Variants in ZNF280D observed in about 807,000 individuals in gnomAD.
ZNF280D encodes the protein suppressor of hairy wing homolog 4.
ZNF280D carries 39 observed loss-of-function variants against 94.7 expected under a neutral mutation model. The observed-to-expected ratio is 0.41, with a 90% CI of 0.32 to 0.54. ZNF280D has a LOEUF of 0.54. Ranked by LOEUF, ZNF280D falls within the 20% of genes least tolerant of loss-of-function variation. The pLI, the probability that ZNF280D is intolerant of heterozygous loss-of-function variation, is 0.22. For synonymous variants in ZNF280D, 398 were observed against 377.6 expected, an observed-to-expected ratio of 1.05 and a Z score of -0.63; for missense variants, 1,090 against 1,149.3, an observed-to-expected ratio of 0.95 and a Z score of 0.75.
rs752976383 is a variant in ZNF280D, at chr15:56,731,506, C to CAAAAA, written c.-86+1947_-86+1951dup. Among the ~76,000 whole-genome samples, 119 of 80,802 alleles carry CAAAAA rather than the reference C, an allele frequency of 1.5e-3. 3 individuals carry two copies. In the Admixed American group the frequency reaches 0.015, roughly 10 times the overall value. The allele number at this position is 80,802 out of a possible 152,430, so 53.0% of individuals were successfully genotyped here. ...TGGGACACAGAGCAAGTACCTATCT[C>CAAAAA]AAAAAAAAAAAAAAAAAAAAAAGAC... On this transcript the variant is annotated intron_variant, in intron 1 of 21. Transcript: ENST00000267807.
chr15:56,653,642 G>A, intron 19 of ZNF280D: 1 of 1,414,138 alleles, frequency 7.1e-7, no homozygotes, highest in African/African-American at 1.5e-5. Context: ...CAACGAATGA[G>A]AAAAAGACAA....
chr15:56,649,348 C>G (rs867058090), intron 19 of ZNF280D, among the ~76,000 whole-genome samples: 2 of 152,136 alleles, frequency 1.3e-5, no homozygotes, highest in Non-Finnish European at 2.9e-5. Flanking sequence ...ATTTTTCCAT[C>G]TCACTGGGTC....
chr15:56,639,683 G>C (rs977062803), intron 20 of ZNF280D, among the ~76,000 whole-genome samples: 45 of 152,264 alleles, frequency 3.0e-4, no homozygotes, highest in African/African-American at 1.0e-3. Context: ...ATGTACTTCA[G>C]CCAAACTATC....
chr15:56,666,968 C>A lies in ZNF280D; in HGVS notation c.1564G>T (p.Val522Phe). The A allele has an allele frequency of 6.2e-7, 1 of 1,601,098 alleles. No individual in the cohort carries two copies. The highest frequency in any genetic ancestry group is 8.5e-7 in the Non-Finnish European group (1 of 1,173,988). ...PGTKVTIRASVGPLQSGASPT... is the reference protein window; with the variant it reads ...PGTKVTIRASFGPLQSGASPT... ...GAAGCTCCTGATTGCAGAGGTCCAACTGAAGCTCGAATAGTAACCTACAAA... is the reference window on the plus strand; with the variant it reads ...GAAGCTCCTGATTGCAGAGGTCCAAATGAAGCTCGAATAGTAACCTACAAA... The change falls in exon 15 of 22, where the codon GTT (valine) becomes TTT (phenylalanine). Residue 522 changes from valine to phenylalanine, a missense_variant. Val to Phe is a conservative substitution (Grantham distance 50). Transcript: ENST00000267807.
chr15:56,646,904 A>G (rs1310041368), intron 19 of ZNF280D, among the ~76,000 whole-genome samples: 3 of 152,148 alleles, frequency 2.0e-5, no homozygotes, highest in Non-Finnish European at 4.4e-5. Flanking sequence ...GAGAAAAAGC[A>G]AAGAAGTATG....
chr15:56,707,062 G>C lies in ZNF280D; in HGVS notation c.28+20C>G. ...ACAAAAGCCACATATATTAGTATTA[G>C]TTGTGGCAGCAACACTTACTTTTTG... On this transcript the variant is annotated intron_variant, in intron 3 of 21. Coordinates refer to ENST00000267807, the MANE Select transcript of ZNF280D (RefSeq NM_017661.4). 1 of 1,611,374 alleles carries C rather than the reference G, an allele frequency of 6.2e-7. No homozygotes were observed. Among genetic ancestry groups the C allele is most frequent in the Non-Finnish European group, 8.5e-7 (1 of 1,177,656 alleles).
chr15:56,677,633 C>A lies in ZNF280D; in HGVS notation c.1204G>T (p.Val402Phe), dbSNP rs745332905. 1.2e-6 allele frequency: 2 copies of A among 1,607,308 alleles called. No individual in the cohort carries two copies. Among genetic ancestry groups the A allele is most frequent in the Non-Finnish European group, 1.7e-6 (2 of 1,176,732 alleles). Residue 402 changes from valine to phenylalanine, a missense_variant, in exon 12 of 22, where the codon GTT (valine) becomes TTT (phenylalanine). Val to Phe is a conservative substitution (Grantham distance 50, BLOSUM62 -1). Transcript: ENST00000267807. ...TTGTCCTTCATATGTTGTAAAAGAACATGTTCTGTTTCAAATGACAATTCA... is the reference window on the plus strand; with the variant it reads ...TTGTCCTTCATATGTTGTAAAAGAAAATGTTCTGTTTCAAATGACAATTCA... Reference protein sequence around the residue: ...ICELSFETEHVLLQHMKDNHK... With the variant: ...ICELSFETEHFLLQHMKDNHK...
At chr15:56,689,691 C>T (rs899163671) in intron 7 of ZNF280D, among the ~76,000 whole-genome samples, 6 of 151,646 alleles carry the variant, frequency 4.0e-5, no homozygotes, top group African/African-American at 1.2e-4. Context: ...AAAATAATCC[C>T]TCTATGAAAG....
intron 1 of ZNF280D, among the ~76,000 whole-genome samples, chr15:56,730,902 G>A (rs1333615254): frequency 6.6e-6 from 1 of 152,156 alleles, no homozygotes; most frequent in Non-Finnish European, 1.5e-5. Context: ...ATTGCAGAAG[G>A]AAATGCTTAC....
chr15:56,646,966 G>A (rs1167002544), intron 19 of ZNF280D, among the ~76,000 whole-genome samples: 1 of 152,180 alleles, frequency 6.6e-6, no homozygotes, highest in Non-Finnish European at 1.5e-5. Flanking sequence ...ATGACAATAT[G>A]AGAATTGGTG....
intron 19 of ZNF280D, among the ~76,000 whole-genome samples, chr15:56,649,635 TAATGA>T (rs2053095849): frequency 6.6e-6 from 1 of 151,786 alleles, no homozygotes; most frequent in South Asian, 2.1e-4. Context: ...CTTGCTAAAT[TAATGA>T]AATGAAGTCT....
At chr15:56,639,853 CA>C (rs2052539586) in intron 20 of ZNF280D, among the ~76,000 whole-genome samples, 1 of 151,970 alleles carries the variant, frequency 6.6e-6, no homozygotes, top group Non-Finnish European at 1.5e-5. Flanking sequence ...AAGGGAGTGG[CA>C]AAGGATAATC....
chr15:56,678,922 T>C (rs1383284874), intron 10 of ZNF280D, 101 bp from the exon 11 acceptor site: 2 of 1,128,064 alleles, frequency 1.8e-6, no homozygotes, highest in Non-Finnish European at 1.2e-6. Context: ...TATAGATGTA[T>C]TACTCAAACT....
At chr15:56,652,531 T>C in intron 19 of ZNF280D, 1 of 639,062 alleles carries the variant, frequency 1.6e-6, no homozygotes, top group South Asian at 7.0e-5. Context: ...GTATAAAAAG[T>C]TTAGATCTAT....
At chr15:56,638,678 GA>G (rs547404675) in intron 20 of ZNF280D, among the ~76,000 whole-genome samples, 21 of 151,438 alleles carry the variant, frequency 1.4e-4, no homozygotes, top group Non-Finnish European at 2.2e-4. Flanking sequence ...TTATTTTTCA[GA>G]AAAAAAATGT....
intron 3 of ZNF280D, among the ~76,000 whole-genome samples, chr15:56,705,080 G>A (rs1238008556): frequency 6.6e-6 from 1 of 151,982 alleles, no homozygotes; most frequent in African/African-American, 2.4e-5. Context: ...AGGCAAAGTA[G>A]ATATTTCTCA....
At chr15:56,667,133 T>TGGGA in intron 14 of ZNF280D, 147 bp from the exon 15 acceptor site, 1 of 577,540 alleles carries the variant, frequency 1.7e-6, no homozygotes, top group Non-Finnish European at 2.9e-6. Flanking sequence ...TTATTCTAAA[T>TGGGA]GTTCAAACTA....
rs549491728 is a variant in ZNF280D at position 56,634,531 on chromosome 15, T to C, written c.2315+664A>G. Among the ~76,000 whole-genome samples, 8 of 152,132 alleles carry C rather than the reference T, an allele frequency of 5.3e-5. No individual in the cohort carries two copies. In the East Asian group the frequency reaches 1.5e-3, roughly 29 times the overall value. ...CCTTCATAGGAACTTAATCCATAAC[T>C]TGCTTTTAGGGACAAAAGATTAATC... On this transcript the variant is annotated intron_variant, in intron 21 of 21. Coordinates refer to ENST00000267807, the MANE Select transcript of ZNF280D (RefSeq NM_017661.4).
intron 13 of ZNF280D, among the ~76,000 whole-genome samples, chr15:56,670,735 C>G (rs529414389): frequency 6.6e-6 from 1 of 152,164 alleles, no homozygotes; most frequent in African/African-American, 2.4e-5. Context: ...AATGCTATTT[C>G]TGTCTCTAGG....
Sources: allele counts gnomAD v4.1 joint callset (sites outside exome capture counted in the v4.1 genomes callset), GRCh38; gene constraint gnomAD v4.1.1; transcripts MANE v1.5; gene names NCBI Gene and HGNC (gene_info 2026-07-23, HGNC 2026-07-21).